SERPINI1: variants seen among roughly 807,000 people sequenced by gnomAD.
SERPINI1 encodes neuroserpin.
SERPINI1 carries 19 observed loss-of-function variants against 41.1 expected under a neutral mutation model. The observed-to-expected ratio is 0.46, with a 90% CI of 0.32 to 0.68. The LOEUF (loss-of-function observed/expected upper bound fraction) is 0.68. SERPINI1 is among the 30% of genes least tolerant of loss of function. The pLI is 0.03. For missense variants in SERPINI1, 460 were observed against 479.2 expected (o/e 0.96, Z 0.37); for synonymous variants, 138 against 156.6 (o/e 0.88, Z 0.89).
intron 5 of SERPINI1, among the ~76,000 whole-genome samples, chr3:167,796,546 C>A (rs1209787693): frequency 6.6e-6 from 1 of 151,996 alleles, no homozygotes; most frequent in Admixed American, 6.6e-5. Context: ...TGTGTTGTTC[C>A]CCTCCCTGTG....
chr3:167,811,186 G>A (rs1356956593), intron 6 of SERPINI1, among the ~76,000 whole-genome samples: 1 of 150,372 alleles, frequency 6.7e-6, no homozygotes, highest in African/African-American at 2.5e-5. Context: ...TGTTTTTATT[G>A]GCATCTAGAA....
intron 1 of SERPINI1, among the ~76,000 whole-genome samples, chr3:167,738,484 AG>A (rs1313220792): frequency 6.6e-6 from 1 of 152,134 alleles, no homozygotes; most frequent in African/African-American, 2.4e-5. Flanking sequence ...AGAAGGATAC[AG>A]GGGAATAGAT....
At position 167,824,032 on chromosome 3, in the gene SERPINI1, G is replaced by A. The variant is rs141258890; in HGVS notation, c.1067-441G>A. ...GGTGACTTCCTATGTAAAAATACCC[G>A]CTTCAGACAAAAGAAATAATGATTT... On this transcript the variant is annotated intron_variant, in intron 7 of 8. Transcript: ENST00000446050. 6.3e-4 allele frequency among the ~76,000 whole-genome samples: 96 copies of A among 152,128 alleles called. 1 individual carries two copies. The highest frequency in any genetic ancestry group is 2.0e-3 in the Admixed American group (30 of 15,274).
chr3:167,756,069 G>A (rs1208880683), intron 1 of SERPINI1, among the ~76,000 whole-genome samples: 2 of 140,462 alleles, frequency 1.4e-5, no homozygotes, highest in East Asian at 5.0e-4. Flanking sequence ...CCCAACCCCA[G>A]AGAGCCATCC....
intron 1 of SERPINI1, among the ~76,000 whole-genome samples, chr3:167,772,729 A>G (rs1191624211): frequency 6.7e-6 from 1 of 149,284 alleles, no homozygotes; most frequent in Non-Finnish European, 1.5e-5. Context: ...ATTCAAGTGC[A>G]GTGGAGTGTA....
intron 5 of SERPINI1, among the ~76,000 whole-genome samples, chr3:167,803,597 T>C (rs1312183443): frequency 6.6e-6 from 1 of 152,208 alleles, no homozygotes; most frequent in Non-Finnish European, 1.5e-5. Flanking sequence ...GTGCCAAAAC[T>C]GAGCCTCAGA....
At position 167,807,361 on chromosome 3, in the gene SERPINI1, T is replaced by G. The variant is rs187986948; in HGVS notation, c.979+20T>G. 1 of 1,451,814 alleles carries G rather than the reference T, an allele frequency of 6.9e-7. No individual in the cohort carries two copies. Among genetic ancestry groups the G allele is most frequent in the East Asian group, 2.3e-5 (1 of 43,988 alleles). The allele number at this position is 1,451,814 out of a possible 1,614,324, so 89.9% of individuals were successfully genotyped here. On this transcript the variant is annotated intron_variant, in intron 6 of 8. Transcript: ENST00000446050. ...TCTCTGGTAAGAAATAAACACAAAT[T>G]TTTAAAAATGTTATTCCATAAGAGC...
intron 1 of SERPINI1, among the ~76,000 whole-genome samples, chr3:167,784,782 T>C (rs959686220): frequency 6.6e-6 from 1 of 152,198 alleles, no homozygotes; most frequent in Non-Finnish European, 1.5e-5. Context: ...TTGGGGATTA[T>C]GGGGATTACA....
At chr3:167,794,589 G>C (rs750362230) in intron 4 of SERPINI1, 31 bp from the exon 5 acceptor site, 7 of 1,592,438 alleles carry the variant, frequency 4.4e-6, no homozygotes, top group Admixed American at 1.7e-5. Context: ...GCTTTGATAG[G>C]CATCTTTTAT....
Position 167,789,246 on chromosome 3 carries a change from A to G in SERPINI1, c.118A>G (p.Thr40Ala). 6.2e-7 allele frequency: 1 copy of G among 1,614,198 alleles called. No individual in the cohort carries two copies. Among genetic ancestry groups the G allele is most frequent in the Non-Finnish European group, 8.5e-7 (1 of 1,180,016 alleles). ...SVNMYNRLRA[T>A]GEDENILFSP... The stretch of plus-strand genomic sequence containing the variant: ...GAATATGTATAATCGTCTTAGAGCC[A>G]CTGGTGAAGATGAAAATATTCTCTT... Residue 40 changes from threonine to alanine, a missense_variant, in exon 2 of 9, where the codon ACT becomes GCT. Coordinates refer to ENST00000446050, the MANE Select transcript of SERPINI1 (RefSeq NM_001122752.2).
rs1035215670 is a variant in SERPINI1 at position 167,825,404 on chromosome 3, T to C, written c.*81T>C. 33 of 874,634 alleles carry C rather than the reference T, an allele frequency of 3.8e-5. No individual in the cohort carries two copies. The highest frequency in any genetic ancestry group is 6.5e-5 in the Non-Finnish European group (33 of 507,764). The allele number at this position is 874,634 out of a possible 1,614,324, so 54.2% of individuals were successfully genotyped here. On this transcript the variant is annotated 3_prime_UTR_variant, in exon 9 of 9. Transcript: ENST00000446050. ...TGGTATATATTTAGGATTTGTGTTTTACAGTATATCTTAAGATAATATTTA... is the reference window on the plus strand; with the variant it reads ...TGGTATATATTTAGGATTTGTGTTTCACAGTATATCTTAAGATAATATTTA...
At chr3:167,781,408 G>A (rs1040691571) in intron 1 of SERPINI1, among the ~76,000 whole-genome samples, 1 of 152,004 alleles carries the variant, frequency 6.6e-6, no homozygotes, top group African/African-American at 2.4e-5. Flanking sequence ...TTATGTGATT[G>A]ATGTAGTCAT....
At chr3:167,782,334 A>G (rs986685030) in intron 1 of SERPINI1, among the ~76,000 whole-genome samples, 1 of 152,196 alleles carries the variant, frequency 6.6e-6, no homozygotes, top group African/African-American at 2.4e-5. Context: ...ATTGGTGACA[A>G]TACCACTTTG....
intron 6 of SERPINI1, among the ~76,000 whole-genome samples, chr3:167,820,573 A>T (rs1177807056): frequency 6.6e-6 from 1 of 152,226 alleles, no homozygotes; most frequent in Non-Finnish European, 1.5e-5. Flanking sequence ...CAGTGCTGAC[A>T]CATCAACCCC....
chr3:167,757,721 C>A (rs552819488), intron 1 of SERPINI1, among the ~76,000 whole-genome samples: 7 of 152,110 alleles, frequency 4.6e-5, no homozygotes, highest in African/African-American at 1.7e-4. Context: ...GGGTTTGAGA[C>A]CAGCCTGACT....
chr3:167,762,112 G>T (rs577694689), intron 1 of SERPINI1, among the ~76,000 whole-genome samples: 2 of 152,218 alleles, frequency 1.3e-5, no homozygotes, highest in South Asian at 2.1e-4. Flanking sequence ...GAAACCTTCA[G>T]AAAACTTCCA....
intron 5 of SERPINI1, chr3:167,799,899 T>C (rs1382362621): frequency 6.6e-6 from 1 of 152,200 alleles, no homozygotes; most frequent in Non-Finnish European, 1.5e-5. Context: ...GTATTTTTTC[T>C]TGTAAATTTA....
chr3:167,811,260 G>T (rs1482793991), intron 6 of SERPINI1, among the ~76,000 whole-genome samples: 1 of 151,072 alleles, frequency 6.6e-6, no homozygotes, highest in East Asian at 1.9e-4. Flanking sequence ...AAGAGGCCAG[G>T]AATTCTTCCT....
At chr3:167,793,596 A>ATATATATATATATTT in intron 4 of SERPINI1, among the ~76,000 whole-genome samples, 1 of 140,620 alleles carries the variant, frequency 7.1e-6, no homozygotes, top group African/African-American at 2.7e-5. Flanking sequence ...ATATATATAT[A>ATATATATATATATTT]TTTTTAATTA....
Sources: gnomAD v4.1 joint callset for allele counts (sites outside exome capture counted in the v4.1 genomes callset) on GRCh38, gnomAD v4.1.1 for gene constraint, MANE v1.5 for transcripts, NCBI Gene and HGNC (gene_info 2026-07-23, HGNC 2026-07-21) for gene names.